ERP44: variants seen among roughly 807,000 people sequenced by gnomAD.
ERP44 encodes endoplasmic reticulum resident protein 44.
ERP44 carries 25 observed loss-of-function variants against 53.4 expected under a neutral mutation model. That is an observed-to-expected ratio of 0.47 (90% CI 0.34 to 0.65). ERP44 has a LOEUF of 0.65. ERP44 is among the 30% of genes least tolerant of loss of function. The pLI is 0.01. For synonymous variants in ERP44, 145 were observed against 161.2 expected (o/e 0.90, Z 0.76); for missense variants, 338 against 493.2 (o/e 0.69, Z 2.98).
At chr9:99,983,567 A>G (rs938670388) in intron 11 of ERP44, among the ~76,000 whole-genome samples, 11 of 151,400 alleles carry the variant, frequency 7.3e-5, no homozygotes, top group Admixed American at 2.6e-4. Context: ...AAAAAAAAAA[A>G]AAAAAAAAGA....
chr9:99,982,806 ATAAT>A (rs757159329), intron 11 of ERP44, 93 bp from the exon 12 acceptor site: 21 of 600,562 alleles, frequency 3.5e-5, no homozygotes, highest in Non-Finnish European at 5.5e-5. Flanking sequence ...TAGTTCCCCT[ATAAT>A]TATTTGCTTA....
chr9:100,021,969 T>C, intron 5 of ERP44, 73 bp downstream of exon 5: 1 of 1,358,770 alleles, frequency 7.4e-7, no homozygotes, highest in Non-Finnish European at 1.0e-6. Context: ...ATGTCCAGAT[T>C]TTTTGTTTGC....
intron 1 of ERP44, among the ~76,000 whole-genome samples, chr9:100,077,755 T>C (rs1587983220): frequency 6.6e-6 from 1 of 152,146 alleles, no homozygotes; most frequent in African/African-American, 2.4e-5. Flanking sequence ...TTGGCTGGGG[T>C]GACTGACCCA....
rs1830135479 is a variant in ERP44 at position 99,980,303 on chromosome 9, A to T, written c.*2309T>A. The T allele has an allele frequency of 5.6e-6, 2 of 358,730 alleles. No homozygotes were observed. Among genetic ancestry groups the T allele is most frequent in the Non-Finnish European group, 9.9e-6 (2 of 201,332 alleles). The allele number at this position is 358,730 out of a possible 1,614,324, so 22.2% of individuals were successfully genotyped here. ...TTCAGCTTTACATCTTTCATCATAT[A>T]CTACAGCACCAAAAAACTTGCACTG... On this transcript the variant is annotated 3_prime_UTR_variant, in exon 12 of 12. Transcript: ENST00000262455.
At chr9:100,025,706 T>C (rs1308701761) in intron 4 of ERP44, among the ~76,000 whole-genome samples, 1 of 152,168 alleles carries the variant, frequency 6.6e-6, no homozygotes, top group African/African-American at 2.4e-5. Flanking sequence ...TACTAACAGC[T>C]TTCATGCTGA....
At position 100,082,626 on chromosome 9, in the gene ERP44, C is replaced by T. The variant is rs555522945; in HGVS notation, c.57+16158G>A. Among the ~76,000 whole-genome samples the T allele has an allele frequency of 5.3e-5, 8 of 152,088 alleles. No homozygotes were observed. The South Asian group carries it at 1.7e-3, about 32-fold the overall frequency. ...GCATGCTCAGGACCCACAATTAGCC[C>T]TGTGGAACCCATAGATACAAAAAAT... On this transcript the variant is annotated intron_variant, in intron 1 of 11. Coordinates refer to ENST00000262455, the MANE Select transcript of ERP44 (RefSeq NM_015051.3).
At chr9:100,063,075 C>CAAAAAAGAAAAAAAAAAAAAA (rs1826170558) in intron 1 of ERP44, among the ~76,000 whole-genome samples, 1 of 40,084 alleles carries the variant, frequency 2.5e-5, no homozygotes. Context: ...CCCTGTCTCA[C>CAAAAAAGAAAAAAAAAAAAAA]AAAAAAAAAA....
intron 4 of ERP44, among the ~76,000 whole-genome samples, chr9:100,038,208 ATAT>A (rs1284999322): frequency 6.6e-6 from 1 of 152,188 alleles, no homozygotes; most frequent in Non-Finnish European, 1.5e-5. Context: ...CAAACAGAAA[ATAT>A]TATAACACTA....
chr9:100,098,815 A>G lies in ERP44; in HGVS notation c.26T>C (p.Leu9Ser), dbSNP rs759524877. The G allele has an allele frequency of 1.4e-5, 22 of 1,613,624 alleles. No homozygotes were observed. The South Asian group carries it at 1.8e-4, about 13-fold the overall frequency. ...CAGAAGGGAGCATCTGAGGTCGGGT[A>G]AGGATAGGAAGACGGCAGGATGCAT... MHPAVFLS[L>S]PDLRCSLLLL... Residue 9 changes from leucine to serine, a missense_variant, in exon 1 of 12, where the codon TTA (leucine) becomes TCA (serine). Around this residue, in one of 3 missense-constraint regions of ERP44, gnomAD observed 224 missense variants for 301.4 expected, o/e 0.74. Coordinates refer to ENST00000262455, the MANE Select transcript of ERP44 (RefSeq NM_015051.3).
At chr9:100,005,454 G>A (rs956649821) in intron 10 of ERP44, among the ~76,000 whole-genome samples, 1 of 152,184 alleles carries the variant, frequency 6.6e-6, no homozygotes, top group Admixed American at 6.5e-5. Flanking sequence ...TTAATGAATT[G>A]ATAGCTTGAA....
chr9:100,081,684 G>T (rs1251595820), intron 1 of ERP44, among the ~76,000 whole-genome samples: 1 of 152,106 alleles, frequency 6.6e-6, no homozygotes, highest in Non-Finnish European at 1.5e-5. Flanking sequence ...ATATACATCT[G>T]TCTCAGCCCA....
intron 1 of ERP44, among the ~76,000 whole-genome samples, chr9:100,095,824 G>A (rs1826620982): frequency 6.6e-6 from 1 of 152,012 alleles, no homozygotes; most frequent in Non-Finnish European, 1.5e-5. Context: ...CCTGAAGACT[G>A]GAATCTACAT....
chr9:99,979,732 C>G lies in ERP44; in HGVS notation c.*2880G>C. The G allele has an allele frequency of 2.6e-6, 1 of 379,074 alleles. No homozygotes were observed. Among genetic ancestry groups the G allele is most frequent in the East Asian group, 3.8e-5 (1 of 26,644 alleles). 23.5% of individuals were successfully genotyped at this position (379,074 alleles called of 1,614,324 possible). A position where few individuals can be genotyped will look rare whatever the true frequency, so the allele number is the denominator to read the frequency against. ...GCATCCTCTCTTCCCAGCTGAGAAG[C>G]CTGAGGCCCCGAGTAGATCAGATAA... On this transcript the variant is annotated 3_prime_UTR_variant, in exon 12 of 12. Coordinates refer to ENST00000262455, the MANE Select transcript of ERP44 (RefSeq NM_015051.3).
rs199505454 is a variant in ERP44 at position 100,060,087 on chromosome 9, T to C, written c.130+13A>G. On this transcript the variant is annotated intron_variant, in intron 2 of 11. Coordinates refer to ENST00000262455, the MANE Select transcript of ERP44 (RefSeq NM_015051.3). ...GAAGAAAGAGTACACTTTAAAAATATTGAGGTACTTACTTAAAATTTCATC... is the reference window on the plus strand; with the variant it reads ...GAAGAAAGAGTACACTTTAAAAATACTGAGGTACTTACTTAAAATTTCATC... 2.2e-5 allele frequency: 32 copies of C among 1,441,630 alleles called. 1 individual carries two copies. The East Asian group carries it at 4.3e-4, about 19-fold the overall frequency. 89.3% of individuals were successfully genotyped at this position (1,441,630 alleles called of 1,614,324 possible). A position where few individuals can be genotyped will look rare whatever the true frequency, so the allele number is the denominator to read the frequency against.
intron 4 of ERP44, among the ~76,000 whole-genome samples, chr9:100,026,775 A>G (rs1830657181): frequency 6.6e-6 from 1 of 152,208 alleles, no homozygotes; most frequent in Non-Finnish European, 1.5e-5. Context: ...CAAGAAGTCA[A>G]GTAATCTTTT....
rs1206057284 is a variant in ERP44, at chr9:99,982,583, GA to G, written c.*28del. 9.7e-6 allele frequency: 12 copies of G among 1,231,260 alleles called. No individual in the cohort carries two copies. The highest frequency in any genetic ancestry group is 1.1e-6 in the Non-Finnish European group (1 of 889,198). The allele number at this position is 1,231,260 out of a possible 1,614,324, so 76.3% of individuals were successfully genotyped here. On this transcript the variant is annotated 3_prime_UTR_variant, in exon 12 of 12. Coordinates refer to ENST00000262455, the MANE Select transcript of ERP44 (RefSeq NM_015051.3). ...CACCACGTAGGTTGATGCTGCTGTT[GA>G]AAGGCTTACAAACTGTTTTTCAAGT...
At chr9:100,009,476 C>T (rs1830451201) in intron 8 of ERP44, among the ~76,000 whole-genome samples, 1 of 152,100 alleles carries the variant, frequency 6.6e-6, no homozygotes, top group Non-Finnish European at 1.5e-5. Flanking sequence ...CCCATCTCCC[C>T]TCTCCCCACC....
intron 8 of ERP44, among the ~76,000 whole-genome samples, chr9:100,012,373 C>A (rs112618792): frequency 3.1e-4 from 47 of 152,106 alleles, no homozygotes; most frequent in African/African-American, 9.4e-4. Flanking sequence ...ATTTTTAGAA[C>A]CTTGATTTGA....
chr9:100,016,742 T>C (rs1830529595), intron 7 of ERP44, among the ~76,000 whole-genome samples: 1 of 152,170 alleles, frequency 6.6e-6, no homozygotes. Context: ...TATCCATCCA[T>C]GAACCCAGAA....
Sources: allele counts gnomAD v4.1 joint callset (sites outside exome capture counted in the v4.1 genomes callset), GRCh38; gene constraint gnomAD v4.1.1; regional missense constraint gnomAD v4.1.1; transcripts MANE v1.5; gene names NCBI Gene and HGNC (gene_info 2026-07-23, HGNC 2026-07-21).